Variants in DOP1A observed in about 807,000 individuals in gnomAD.
The protein encoded by DOP1A is DOP1 leucine zipper like protein A.
A neutral mutation model predicts 267.6 loss-of-function variants in DOP1A; 90 were observed. That is an observed-to-expected ratio of 0.34 (90% CI 0.28 to 0.40). The LOEUF (loss-of-function observed/expected upper bound fraction) is 0.40, where lower values mean the gene tolerates loss of function less well. Ranked by LOEUF, DOP1A falls within the 10% of genes least tolerant of loss-of-function variation. The pLI is 1.00. For synonymous variants in DOP1A, 932 were observed against 999.1 expected (o/e 0.93, Z 1.27); for missense variants, 2,437 against 2,900.4 (o/e 0.84, Z 3.67).
At chr6:83,102,704 A>G (rs6938909) in intron 4 of DOP1A, among the ~76,000 whole-genome samples, 1,637 of 152,272 alleles carry the variant, frequency 0.011, 39 homozygotes, top group African/African-American at 0.036. Context: ...TTTTTAATAT[A>G]TTAAATAATG....
chr6:83,081,083 G>A (rs1347228914), intron 1 of DOP1A, among the ~76,000 whole-genome samples: 1 of 152,092 alleles, frequency 6.6e-6, no homozygotes, highest in East Asian at 1.9e-4. Context: ...AGAATAGAGA[G>A]CCCAGAAATA....
At chr6:83,120,967 T>A (rs1176604620) in intron 10 of DOP1A, among the ~76,000 whole-genome samples, 176 bp downstream of exon 10, 2 of 151,932 alleles carry the variant, frequency 1.3e-5, no homozygotes, top group African/African-American at 2.4e-5. Context: ...ATCCACCTGA[T>A]ACGTTATTAT....
At chr6:83,168,735 C>G, downstream of DOP1A, 3 of 997,344 alleles carry the variant, frequency 3.0e-6, no homozygotes, top group Non-Finnish European at 3.6e-6. Flanking sequence ...CCTCTGAGTT[C>G]CTGATGGCAT....
intron 1 of DOP1A, among the ~76,000 whole-genome samples, chr6:83,085,282 T>C (rs1003590058): frequency 7.9e-5 from 12 of 152,232 alleles, no homozygotes; most frequent in African/African-American, 2.4e-4. Flanking sequence ...GGACTGCCGA[T>C]GCAGGTATGA....
chr6:83,152,058 C>A, intron 29 of DOP1A, 31 bp downstream of exon 29: 1 of 1,612,160 alleles, frequency 6.2e-7, no homozygotes, highest in African/African-American at 1.3e-5. Flanking sequence ...GGTTTATTAT[C>A]TGTAAGCAGG....
intron 38 of DOP1A, chr6:83,165,019 T>C (rs779247380): frequency 1.7e-5 from 5 of 287,530 alleles, no homozygotes; most frequent in Non-Finnish European, 1.3e-5. Context: ...TTGATAGGAA[T>C]AGAAACAAAA....
At chr6:83,115,386 C>T (rs1775242098) in intron 7 of DOP1A, among the ~76,000 whole-genome samples, 1 of 152,108 alleles carries the variant, frequency 6.6e-6, no homozygotes, top group Admixed American at 6.5e-5. Flanking sequence ...TTAATTTTTA[C>T]AGTGAGAACA....
Position 83,130,265 on chromosome 6 carries a change from T to C in DOP1A, c.2484T>C (p.Thr828=). The change falls in exon 17 of 39, where the codon ACT becomes ACC. Residue 828 remains threonine (T), a synonymous_variant. Transcript: ENST00000349129. ...VGLTQSVAMV[T]GENINSVEPA... is the part of the protein sequence containing the mutation. ...TGACACAGTCTGTGGCCATGGTCAC[T>C]GGGGAAAACATCAACAGTGTAGAGC... The C allele has an allele frequency of 6.2e-7, 1 of 1,614,058 alleles. No homozygotes were observed. The highest frequency in any genetic ancestry group is 8.5e-7 in the Non-Finnish European group (1 of 1,179,986).
At chr6:83,120,547 G>T in intron 9 of DOP1A, 136 bp from the exon 10 acceptor site, 1 of 544,380 alleles carries the variant, frequency 1.8e-6, no homozygotes, top group Non-Finnish European at 2.9e-6. Context: ...GGCCAAGGTT[G>T]GTGAAAAGGC....
chr6:83,073,036 T>A, intron 1 of DOP1A: 1 of 338,552 alleles, frequency 3.0e-6, no homozygotes, highest in Non-Finnish European at 5.9e-6. Flanking sequence ...TTGAATGACT[T>A]CCATATTATA....
At chr6:83,133,361 T>G (rs1778366070) in intron 18 of DOP1A, among the ~76,000 whole-genome samples, 1 of 152,086 alleles carries the variant, frequency 6.6e-6, no homozygotes, top group Admixed American at 6.6e-5. Context: ...ACTACTTAAT[T>G]TTTACATTTC....
intron 30 of DOP1A, 190 bp from the exon 31 acceptor site, chr6:83,153,321 C>A (rs1042350143): frequency 3.2e-5 from 13 of 400,682 alleles, no homozygotes; most frequent in Non-Finnish European, 4.8e-5. Context: ...ATATTTATAT[C>A]CTATAGTAAC....
intron 1 of DOP1A, among the ~76,000 whole-genome samples, chr6:83,083,828 A>T (rs1768585500): frequency 6.6e-6 from 1 of 152,210 alleles, no homozygotes; most frequent in African/African-American, 2.4e-5. Flanking sequence ...CCTACCTGCT[A>T]ATGGCTCATT....
At chr6:83,087,881 G>GT (rs921824370) in intron 1 of DOP1A, among the ~76,000 whole-genome samples, 9 of 151,722 alleles carry the variant, frequency 5.9e-5, no homozygotes, top group Admixed American at 2.0e-4. Context: ...GTTTGTTTTG[G>GT]TTTTTTTTGA....
chr6:83,170,383 C>CTTCTTCACCAGGTCAT, downstream of DOP1A: 2 of 1,614,128 alleles, frequency 1.2e-6, no homozygotes, highest in Non-Finnish European at 1.7e-6. Context: ...AAAGCTTGTA[C>CTTCTTCACCAGGTCAT]TTCTTCACCA....
chr6:83,139,061 A>G lies in DOP1A; in HGVS notation c.5019A>G (p.Lys1673=). 1 of 1,614,044 alleles carries G rather than the reference A, an allele frequency of 6.2e-7. No individual in the cohort carries two copies. The highest frequency in any genetic ancestry group is 8.5e-7 in the Non-Finnish European group (1 of 1,179,898). The change falls in exon 21 of 39, where the codon AAA becomes AAG. Residue 1673 remains lysine, a synonymous_variant. Coordinates refer to ENST00000349129, the MANE Select transcript of DOP1A (RefSeq NM_015018.4). ...CATCTACTCTGCCTTACATGGGAAA[A>G]GTTCTGCAGAGAGTGGTTGTTTCTG... ...LITSTLPYMG[K]VLQRVVVSVT... is the part of the protein sequence containing the mutation.
At chr6:83,164,109 G>C (rs1784870931) in intron 38 of DOP1A, among the ~76,000 whole-genome samples, 1 of 147,214 alleles carries the variant, frequency 6.8e-6, no homozygotes, top group Non-Finnish European at 1.5e-5. Context: ...CTAGTATGCA[G>C]TGTGTGCTTT....
In DOP1A at chr6:83,137,836, A is replaced by C; in HGVS notation, c.3794A>C (p.His1265Pro). 6.2e-7 allele frequency: 1 copy of C among 1,613,842 alleles called. No individual in the cohort carries two copies. Among genetic ancestry groups the C allele is most frequent in the Non-Finnish European group, 8.5e-7 (1 of 1,179,880 alleles). ...GAAACCAAATCTAGACAAAGGAGTC[A>C]CAGTAGTATTCAATTCAGCTTCAAA... is the stretch of plus-strand genomic sequence containing the variant. Reference protein sequence around the residue: ...SIETKSRQRSHSSIQFSFKEK... With the variant: ...SIETKSRQRSPSSIQFSFKEK... The change falls in exon 21 of 39, where the codon CAC becomes CCC. Residue 1265 changes from histidine (H) to proline (P), a missense_variant. By Grantham distance (77) the His-to-Pro change is moderately conservative (BLOSUM62 -2). Transcript: ENST00000349129.
chr6:83,097,335 A>G (rs1771678474), intron 3 of DOP1A, among the ~76,000 whole-genome samples: 1 of 152,224 alleles, frequency 6.6e-6, no homozygotes, highest in South Asian at 2.1e-4. Flanking sequence ...TGCTTGAAAA[A>G]TATAGTTATC....
Sources: gnomAD v4.1 joint callset for allele counts (sites outside exome capture counted in the v4.1 genomes callset) on GRCh38, gnomAD v4.1.1 for gene constraint, MANE v1.5 for transcripts, NCBI Gene and HGNC (gene_info 2026-07-23, HGNC 2026-07-21) for gene names.